Variants in CACNA1C observed in about 807,000 individuals in gnomAD.
CACNA1C encodes the protein voltage-dependent L-type calcium channel subunit alpha-1C.
CACNA1C carries 30 observed loss-of-function variants against 229.0 expected under a neutral mutation model. The ratio of observed to expected loss-of-function variants is 0.13; its 90% CI spans 0.10 to 0.18. The LOEUF (loss-of-function observed/expected upper bound fraction) is 0.18. Ranked by LOEUF, CACNA1C falls within the 10% of genes least tolerant of loss-of-function variation. CACNA1C has a pLI of 1.00. For missense variants in CACNA1C, 1,658 were observed against 2,845.0 expected, an observed-to-expected ratio of 0.58 and a Z score of 9.49; for synonymous variants, 1,114 against 1,132.5, an observed-to-expected ratio of 0.98 and a Z score of 0.33.
intron 3 of CACNA1C, among the ~76,000 whole-genome samples, chr12:2,243,396 C>T (rs2071474829): frequency 6.6e-6 from 1 of 152,178 alleles, no homozygotes; most frequent in South Asian, 2.1e-4. Flanking sequence ...TGGGCTGTGC[C>T]TGAGGTTAGT....
At chr12:2,070,633 A>G (rs1023322123) in intron 1 of CACNA1C, among the ~76,000 whole-genome samples, 4 of 152,216 alleles carry the variant, frequency 2.6e-5, no homozygotes, top group Admixed American at 1.3e-4. Flanking sequence ...GCTGATGAGA[A>G]GTCTGCTGTC....
chr12:2,560,039 C>T (rs562297779), intron 11 of CACNA1C, among the ~76,000 whole-genome samples: 4 of 152,128 alleles, frequency 2.6e-5, no homozygotes, highest in African/African-American at 9.6e-5. Flanking sequence ...TGTGTTTTTC[C>T]CTTACTGCCC....
chr12:2,301,098 C>A (rs138074648), intron 3 of CACNA1C, among the ~76,000 whole-genome samples: 2 of 152,118 alleles, frequency 1.3e-5, no homozygotes, highest in African/African-American at 4.8e-5. Flanking sequence ...GTCCTCAGGG[C>A]GGCATCTGCC....
Position 2,651,386 on chromosome 12 carries a change from A to C in CACNA1C, c.3946-254A>C. On this transcript the variant is annotated intron_variant, in intron 31 of 46. Coordinates refer to ENST00000399655, the MANE Select transcript of CACNA1C (RefSeq NM_000719.7). The surrounding 1 kb of genome is among the most constrained non-coding windows in gnomAD (Gnocchi z 5.4). ...CATTAAGAACTAGGAATGAAGGGGA[A>C]TCGGGGAGAATAAAAACACAGGACC... is the stretch of plus-strand genomic sequence containing the variant. 1.8e-6 allele frequency: 1 copy of C among 565,370 alleles called. No individual in the cohort carries two copies. Among genetic ancestry groups the C allele is most frequent in the Non-Finnish European group, 3.1e-6 (1 of 318,490 alleles). The allele number at this position is 565,370 out of a possible 1,614,324, so 35.0% of individuals were successfully genotyped here.
chr12:2,599,616 C>G (rs565557625), intron 21 of CACNA1C, among the ~76,000 whole-genome samples: 1 of 152,278 alleles, frequency 6.6e-6, no homozygotes, highest in Admixed American at 6.5e-5. Context: ...TAGCGAGCCA[C>G]GTCCCATTCC....
intron 1 of CACNA1C, among the ~76,000 whole-genome samples, chr12:2,016,788 C>T (rs1283071907): frequency 1.3e-5 from 2 of 152,156 alleles, no homozygotes; most frequent in Non-Finnish European, 2.9e-5. Context: ...TCACCAAAAT[C>T]CTAATATAGT....
intron 3 of CACNA1C, among the ~76,000 whole-genome samples, chr12:2,241,929 C>A (rs1007384442): frequency 2.0e-5 from 3 of 152,208 alleles, no homozygotes; most frequent in Non-Finnish European, 4.4e-5. Context: ...ATTTCCATTT[C>A]TCCTGCTCCC....
chr12:2,467,653 G>C lies in CACNA1C; in HGVS notation c.757+9947G>C, dbSNP rs2099566613. Among the ~76,000 whole-genome samples the C allele has an allele frequency of 1.3e-5, 2 of 152,172 alleles. No homozygotes were observed. Among genetic ancestry groups the C allele is most frequent in the Admixed American group, 6.5e-5 (1 of 15,274 alleles). ...CCTCTAAGAAACAGAATTTAGAACA[G>C]GGTGGGTCCCACGCCCAGCCCCGCC... On this transcript the variant is annotated intron_variant, in intron 5 of 46. Coordinates refer to ENST00000399655, the MANE Select transcript of CACNA1C (RefSeq NM_000719.7). This position sits in a 1 kb window ranked among gnomAD's most constrained non-coding sequence, Gnocchi z 4.6.
chr12:2,567,655 T>A lies in CACNA1C; in HGVS notation c.1756T>A (p.Ser586Thr). The A allele has an allele frequency of 6.2e-7, 1 of 1,613,418 alleles. No homozygotes were observed. The highest frequency in any genetic ancestry group is 8.5e-7 in the Non-Finnish European group (1 of 1,179,686). The change falls in exon 13 of 47, where the codon TCC (serine) becomes ACC (threonine). Residue 586 changes from serine (S) to threonine (T), a missense_variant. Transcript: ENST00000399655. ...YSLGLQAYFV[S>T]LFNRFDCFVV... ...CCTGGGCCTGCAGGCCTACTTCGTG[T>A]CCCTCTTCAACCGCTTTGACTGCTT...
intron 1 of CACNA1C, among the ~76,000 whole-genome samples, chr12:2,093,959 C>T (rs756629604): frequency 1.3e-5 from 2 of 152,232 alleles, no homozygotes; most frequent in Non-Finnish European, 2.9e-5. Flanking sequence ...CCAAAGCAGA[C>T]ATCCCATTTT....
At chr12:2,395,539 G>A (rs2098554136) in intron 3 of CACNA1C, among the ~76,000 whole-genome samples, 1 of 152,026 alleles carries the variant, frequency 6.6e-6, no homozygotes, top group Non-Finnish European at 1.5e-5. Flanking sequence ...TCATGACCCT[G>A]AAGACAGAGG....
At chr12:2,367,998 G>C (rs1374519100) in intron 3 of CACNA1C, among the ~76,000 whole-genome samples, 1 of 152,074 alleles carries the variant, frequency 6.6e-6, no homozygotes, top group Non-Finnish European at 1.5e-5. Context: ...GAATCCATTG[G>C]ATTCACAGTT....
chr12:2,255,671 G>A (rs2077200928), intron 3 of CACNA1C, among the ~76,000 whole-genome samples: 1 of 152,238 alleles, frequency 6.6e-6, no homozygotes, highest in African/African-American at 2.4e-5. Context: ...TTTCTGGAAG[G>A]AAGGGCAGTG....
At chr12:2,642,309 C>T (rs2093804128) in intron 30 of CACNA1C, among the ~76,000 whole-genome samples, 1 of 152,166 alleles carries the variant, frequency 6.6e-6, no homozygotes, top group Non-Finnish European at 1.5e-5. Flanking sequence ...AACCCACATA[C>T]GGCCCTCTGT....
intron 3 of CACNA1C, among the ~76,000 whole-genome samples, chr12:2,370,499 A>G (rs1279936162): frequency 1.3e-5 from 2 of 152,266 alleles, no homozygotes; most frequent in Non-Finnish European, 2.9e-5. Context: ...TGATGAGCTA[A>G]TAAAACTTAT....
chr12:2,655,649 T>C (rs2095377363), intron 34 of CACNA1C, among the ~76,000 whole-genome samples: 1 of 152,254 alleles, frequency 6.6e-6, no homozygotes. Context: ...CCATTTGCCG[T>C]GCTGGGCGCT....
chr12:2,023,299 G>A (rs1248000274), intron 1 of CACNA1C, among the ~76,000 whole-genome samples: 1 of 152,204 alleles, frequency 6.6e-6, no homozygotes, highest in African/African-American at 2.4e-5. Context: ...GGGATGGAGT[G>A]TAGGGTGTGG....
rs550612732 is a variant in CACNA1C, at chr12:2,655,242, G to A, written c.4232+4G>A. On this transcript the variant is annotated splice_donor_region_variant and intron_variant, in intron 34 of 46. Transcript: ENST00000399655. ...AGGCCGTGCTGCTCCTCTTCAGGTG[G>A]GTCCCTGAAGACATAGGTGCACAGA... The A allele has an allele frequency of 6.3e-6, 10 of 1,576,174 alleles. No homozygotes were observed. The South Asian group carries it at 1.0e-4, about 16-fold the overall frequency.
chr12:2,240,400 G>A (rs1489635252), intron 3 of CACNA1C, among the ~76,000 whole-genome samples: 1 of 152,354 alleles, frequency 6.6e-6, no homozygotes, highest in East Asian at 1.9e-4. Flanking sequence ...GATTTGGATT[G>A]CATTTTAGCA....
Sources: allele counts gnomAD v4.1 joint callset (sites outside exome capture counted in the v4.1 genomes callset), GRCh38; gene constraint gnomAD v4.1.1; non-coding constraint Gnocchi (gnomAD v3.1); transcripts MANE v1.5; gene names NCBI Gene and HGNC (gene_info 2026-07-23, HGNC 2026-07-21).